The following LAMA4 variants were observed in gnomAD, a reference collection of about 807,000 sequenced individuals.
LAMA4 encodes the protein laminin subunit alpha-4.
Under a neutral mutation model 207.1 loss-of-function variants are expected in LAMA4, and 127 were observed. The ratio of observed to expected loss-of-function variants is 0.61; its 90% CI spans 0.53 to 0.71. The LOEUF (loss-of-function observed/expected upper bound fraction) is 0.71, where lower values mean the gene tolerates loss of function less well. LAMA4 is among the 30% of genes least tolerant of loss of function. LAMA4 has a pLI of 0.00. For missense variants in LAMA4, 2,093 were observed against 2,246.5 expected (o/e 0.93, Z 1.38); for synonymous variants, 761 against 816.0 (o/e 0.93, Z 1.15).
chr6:112,192,733 G>C (rs1231392342), intron 5 of LAMA4, among the ~76,000 whole-genome samples: 1 of 152,190 alleles, frequency 6.6e-6, no homozygotes, highest in Non-Finnish European at 1.5e-5. Flanking sequence ...AGGTGAGGCT[G>C]TCTCTGCCCA....
Position 112,156,634 on chromosome 6 carries a change from A to T in LAMA4, c.1818-928T>A, listed in dbSNP as rs577084513. ...TTCCTTATTTTTTTTTCTCAGTCCCAAACATCGATGATTAGTATCATCACC... is the reference window on the plus strand; with the variant it reads ...TTCCTTATTTTTTTTTCTCAGTCCCTAACATCGATGATTAGTATCATCACC... On this transcript the variant is annotated intron_variant, in intron 14 of 38. Coordinates refer to ENST00000230538, the MANE Select transcript of LAMA4 (RefSeq NM_001105206.3). Among the ~76,000 whole-genome samples, 3 of 152,190 alleles carry T rather than the reference A, an allele frequency of 2.0e-5. No homozygotes were observed. In the South Asian group the frequency reaches 6.2e-4, roughly 32 times the overall value.
In LAMA4 at chr6:112,140,910, A is replaced by G. The variant is rs782118939; in HGVS notation, c.2826T>C (p.His942=). 3 of 1,612,202 alleles carry G rather than the reference A, an allele frequency of 1.9e-6. No homozygotes were observed. The highest frequency in any genetic ancestry group is 2.5e-6 in the Non-Finnish European group (3 of 1,178,240). ...SIVKIERVGK[H]GKVFLTVPSL... ...TCGGGACTGTTAAAAACACCTTTCC[A>G]TGTTTTCCCACCCTATTGAGATAAA... is the stretch of plus-strand genomic sequence containing the variant. The change falls in exon 22 of 39, where the codon CAT becomes CAC. Residue 942 remains histidine, a synonymous_variant. Coordinates refer to ENST00000230538, the MANE Select transcript of LAMA4 (RefSeq NM_001105206.3).
At chr6:112,183,705 C>G (rs1483325129) in intron 9 of LAMA4, among the ~76,000 whole-genome samples, 1 of 151,850 alleles carries the variant, frequency 6.6e-6, no homozygotes, top group African/African-American at 2.4e-5. Context: ...AATCCTAGCA[C>G]TTTGGGAGGC....
chr6:112,166,435 C>A (rs1205193735), intron 12 of LAMA4: 1 of 152,188 alleles, frequency 6.6e-6, no homozygotes, highest in East Asian at 1.9e-4. Context: ...AAAAGCAATA[C>A]TGTAAAATAT....
At chr6:112,232,411 A>G (rs1180283640) in intron 2 of LAMA4, among the ~76,000 whole-genome samples, 2 of 152,206 alleles carry the variant, frequency 1.3e-5, no homozygotes, top group African/African-American at 2.4e-5. Context: ...ATGTTATTTA[A>G]GGGTATTTTG....
intron 2 of LAMA4, among the ~76,000 whole-genome samples, chr6:112,244,826 A>G (rs1554188358): frequency 2.0e-5 from 3 of 152,226 alleles, no homozygotes; most frequent in Non-Finnish European, 2.9e-5. Context: ...GTAACCAATA[A>G]TAACCACCCA....
intron 19 of LAMA4, among the ~76,000 whole-genome samples, chr6:112,144,173 A>C (rs1779877194): frequency 6.6e-6 from 1 of 152,246 alleles, no homozygotes; most frequent in Non-Finnish European, 1.5e-5. Flanking sequence ...CTATGTCAGG[A>C]GATGTTCCTA....
In LAMA4 at chr6:112,108,718, T is replaced by C. The variant is rs1777543799; in HGVS notation, c.*719A>G. On this transcript the variant is annotated 3_prime_UTR_variant, in exon 39 of 39. Transcript: ENST00000230538. ...GCTGTGATATCCTCAATGATTCCCA[T>C]AGAACACACAATAATGGTAATAATA... 1 of 152,232 alleles carries C rather than the reference T, an allele frequency of 6.6e-6. No homozygotes were observed. Among genetic ancestry groups the C allele is most frequent in the African/African-American group, 2.4e-5 (1 of 41,460 alleles). The allele number at this position is 152,232 out of a possible 1,614,324, so 9.4% of individuals were successfully genotyped here.
At chr6:112,169,358 T>C (rs1279756074) in intron 12 of LAMA4, among the ~76,000 whole-genome samples, 1 of 151,760 alleles carries the variant, frequency 6.6e-6, no homozygotes, top group Non-Finnish European at 1.5e-5. Context: ...GGAAAGGAAA[T>C]TGGAGGAAAA....
At chr6:112,124,365 A>C (rs1326473873) in intron 31 of LAMA4, among the ~76,000 whole-genome samples, 1 of 152,182 alleles carries the variant, frequency 6.6e-6, no homozygotes, top group Non-Finnish European at 1.5e-5. Flanking sequence ...GGAATACATG[A>C]CTATGTAGGC....
intron 9 of LAMA4, chr6:112,179,524 G>A (rs912483942): frequency 6.6e-6 from 1 of 152,332 alleles, no homozygotes; most frequent in South Asian, 2.1e-4. Flanking sequence ...ACGTGAAGGA[G>A]CTGTGGGGTG....
chr6:112,186,209 AATT>A (rs1782674405), intron 8 of LAMA4, among the ~76,000 whole-genome samples: 1 of 152,212 alleles, frequency 6.6e-6, no homozygotes, highest in Admixed American at 6.5e-5. Flanking sequence ...CAATTCACTG[AATT>A]CTCTCAACAG....
intron 2 of LAMA4, among the ~76,000 whole-genome samples, chr6:112,238,590 C>A (rs1786113843): frequency 6.6e-6 from 1 of 152,118 alleles, no homozygotes; most frequent in South Asian, 2.1e-4. Context: ...ACCTGTAGTC[C>A]CAGCTACTCC....
At chr6:112,216,841 T>A in intron 2 of LAMA4, 1 of 327,004 alleles carries the variant, frequency 3.1e-6, no homozygotes, top group Non-Finnish European at 5.9e-6. Context: ...CAATTAAGTA[T>A]TAGTCAGGGT....
At chr6:112,201,137 T>C (rs1554352297) in intron 5 of LAMA4, among the ~76,000 whole-genome samples, 1 of 152,210 alleles carries the variant, frequency 6.6e-6, no homozygotes, top group Non-Finnish European at 1.5e-5. Context: ...TAGTATGGTA[T>C]AAAGCTGGTA....
At chr6:112,187,330 T>C (rs782670340) in intron 8 of LAMA4, 120 bp downstream of exon 8, 1 of 1,138,490 alleles carries the variant, frequency 8.8e-7, no homozygotes, top group Non-Finnish European at 1.3e-6. Flanking sequence ...GACCTACAGG[T>C]CTAACAACCT....
chr6:112,135,055 T>TC (rs1371991341), intron 25 of LAMA4, among the ~76,000 whole-genome samples: 2 of 152,162 alleles, frequency 1.3e-5, no homozygotes, highest in African/African-American at 4.8e-5. Flanking sequence ...CATCTTACAA[T>TC]CAAGGTAAGA....
intron 2 of LAMA4, among the ~76,000 whole-genome samples, chr6:112,243,237 T>TCAGCCC (rs1397071486): frequency 6.6e-6 from 1 of 152,052 alleles, no homozygotes; most frequent in Non-Finnish European, 1.5e-5. Flanking sequence ...GTGCTGCAGA[T>TCAGCCC]CAGCCCCAGC....
intron 2 of LAMA4, chr6:112,253,605 A>T: frequency 1.3e-6 from 1 of 783,992 alleles, no homozygotes; most frequent in Non-Finnish European, 2.2e-6. Flanking sequence ...CACACACGTT[A>T]AGTGCCGTGG....
Sources: allele counts gnomAD v4.1 joint callset (sites outside exome capture counted in the v4.1 genomes callset), GRCh38; gene constraint gnomAD v4.1.1; transcripts MANE v1.5; gene names NCBI Gene and HGNC (gene_info 2026-07-23, HGNC 2026-07-21).